KCNIP4: variants seen among roughly 807,000 people sequenced by gnomAD.
The protein encoded by KCNIP4 is potassium voltage-gated channel interacting protein 4, also known as Kv channel-interacting protein 4.
KCNIP4 carries 12 observed loss-of-function variants against 34.0 expected under a neutral mutation model. The ratio of observed to expected loss-of-function variants is 0.35; its 90% CI spans 0.23 to 0.57. The LOEUF (loss-of-function observed/expected upper bound fraction) is 0.57, where lower values mean the gene tolerates loss of function less well. Among genes scored for constraint, KCNIP4 ranks in the 20% least tolerant of loss-of-function variants. KCNIP4 has a pLI of 0.83. For missense variants in KCNIP4, 238 were observed against 311.7 expected (o/e 0.76, Z 1.78); for synonymous variants, 124 against 102.2 (o/e 1.21, Z -1.29).
At chr4:21,701,641 A>G (rs941973973) in intron 1 of KCNIP4, among the ~76,000 whole-genome samples, 4 of 152,192 alleles carry the variant, frequency 2.6e-5, no homozygotes, top group Non-Finnish European at 5.9e-5. Flanking sequence ...ATTAGAATGT[A>G]GATATCTATA....
chr4:21,609,528 C>T (rs1340617354), intron 1 of KCNIP4, among the ~76,000 whole-genome samples: 1 of 152,158 alleles, frequency 6.6e-6, no homozygotes, highest in Non-Finnish European at 1.5e-5. Context: ...ACAGGGCATA[C>T]TCATTAATTC....
chr4:20,744,997 G>A (rs902649331), intron 5 of KCNIP4, among the ~76,000 whole-genome samples: 8 of 152,086 alleles, frequency 5.3e-5, no homozygotes, highest in African/African-American at 1.9e-4. Flanking sequence ...GTTGCCATTT[G>A]ACTAAACCTA....
rs112286079 is a variant in KCNIP4, at chr4:21,467,760, G to A, written c.61+480811C>T. 6.6e-5 allele frequency among the ~76,000 whole-genome samples: 10 copies of A among 152,234 alleles called. No homozygotes were observed. In the East Asian group the frequency reaches 9.7e-4, roughly 15 times the overall value. On this transcript the variant is annotated intron_variant, in intron 1 of 8. Transcript: ENST00000382152. The stretch of plus-strand genomic sequence containing the variant: ...AAGAGCATGGTGTTTTCTGAAAGTC[G>A]GAAGGCCATTGTGACTCATTTCTGA...
At chr4:20,891,562 G>T (rs537573473) in intron 1 of KCNIP4, among the ~76,000 whole-genome samples, 1 of 152,016 alleles carries the variant, frequency 6.6e-6, no homozygotes, top group Non-Finnish European at 1.5e-5. Flanking sequence ...CCAAGATCAC[G>T]CCACGGCACT....
chr4:21,068,762 CTTAT>C (rs769097272), intron 1 of KCNIP4, among the ~76,000 whole-genome samples: 5 of 152,102 alleles, frequency 3.3e-5, no homozygotes, highest in African/African-American at 7.2e-5. Flanking sequence ...ATAAAATATT[CTTAT>C]TTATTTGTTT....
chr4:20,982,110 G>A (rs140781692), intron 1 of KCNIP4, among the ~76,000 whole-genome samples: 6 of 152,178 alleles, frequency 3.9e-5, no homozygotes, highest in Admixed American at 3.9e-4. Context: ...CTTACACTTG[G>A]GACTTTTGAT....
rs138414310 is a variant in KCNIP4 at position 21,458,308 on chromosome 4, A to T, written c.61+490263T>A. On this transcript the variant is annotated intron_variant, in intron 1 of 8. Transcript: ENST00000382152. ...GATTTCCAATTTCATCCATGTCCCTACAAAGGACAGGAACTCATCATATTT... is the reference window on the plus strand; with the variant it reads ...GATTTCCAATTTCATCCATGTCCCTTCAAAGGACAGGAACTCATCATATTT... Among the ~76,000 whole-genome samples the T allele has an allele frequency of 3.0e-4, 46 of 151,784 alleles. 1 individual carries two copies. The highest frequency in any genetic ancestry group is 3.4e-3 in the Middle Eastern group (1 of 294).
At chr4:20,864,811 C>G (rs976408509) in intron 2 of KCNIP4, among the ~76,000 whole-genome samples, 1 of 152,094 alleles carries the variant, frequency 6.6e-6, no homozygotes, top group African/African-American at 2.4e-5. Flanking sequence ...TTAGGCATAT[C>G]AGTGGCAGAA....
chr4:21,532,705 CTAGTGTAGCCACTTGCCTT>C (rs529723155), intron 1 of KCNIP4, among the ~76,000 whole-genome samples: 2 of 152,248 alleles, frequency 1.3e-5, no homozygotes, highest in Non-Finnish European at 2.9e-5. Flanking sequence ...TGCTGACAAG[CTAGTGTAGCCACTTGCCTT>C]TAGGTTTTTA....
At chr4:21,831,220 T>G (rs1296930358) in intron 1 of KCNIP4, among the ~76,000 whole-genome samples, 1 of 151,544 alleles carries the variant, frequency 6.6e-6, no homozygotes, top group Admixed American at 6.6e-5. Context: ...AGATCTCAAA[T>G]AACCTGACAT....
chr4:21,837,532 C>CAAAAAAAAAAAAAAAAAAAA (rs60449238), intron 1 of KCNIP4, among the ~76,000 whole-genome samples: 5 of 78,550 alleles, frequency 6.4e-5, no homozygotes, highest in South Asian at 6.5e-4. Flanking sequence ...AAAACGCTGT[C>CAAAAAAAAAAAAAAAAAAAA]AAAAAAAAAA....
intron 3 of KCNIP4, among the ~76,000 whole-genome samples, chr4:20,824,024 C>A (rs545916750): frequency 6.6e-6 from 1 of 152,276 alleles, no homozygotes; most frequent in East Asian, 1.9e-4. Context: ...ACACCATTAG[C>A]TTCTGTGTTT....
At chr4:21,017,375 T>A (rs1023031361) in intron 1 of KCNIP4, among the ~76,000 whole-genome samples, 3 of 152,158 alleles carry the variant, frequency 2.0e-5, no homozygotes, top group African/African-American at 7.2e-5. Context: ...TAGTGTGTGT[T>A]GTTCTCCTCA....
Position 21,121,235 on chromosome 4 carries a change from G to A in KCNIP4, c.62-238526C>T, listed in dbSNP as rs560843741. On this transcript the variant is annotated intron_variant, in intron 1 of 8. Transcript: ENST00000382152. Reference sequence around the variant, plus strand: ...CCGGCCCTTTGCCCCACTGCTGTCCGGCCCCCTTATGCAGAAAAAGGAGTG... The same window carrying A: ...CCGGCCCTTTGCCCCACTGCTGTCCAGCCCCCTTATGCAGAAAAAGGAGTG... Among the ~76,000 whole-genome samples the A allele has an allele frequency of 2.1e-3, 320 of 152,186 alleles. 2 individuals carry two copies. The highest frequency in any genetic ancestry group is 1.0e-3 in the Non-Finnish European group (69 of 68,016).
chr4:20,929,231 C>T (rs77420274), intron 1 of KCNIP4, among the ~76,000 whole-genome samples: 4,448 of 151,950 alleles, frequency 0.029, 73 homozygotes, highest in Non-Finnish European at 0.038. Context: ...TTAACATACA[C>T]GAATGAAACA....
At chr4:21,569,020 C>G (rs551128498) in intron 1 of KCNIP4, among the ~76,000 whole-genome samples, 1 of 151,974 alleles carries the variant, frequency 6.6e-6, no homozygotes, top group Admixed American at 6.6e-5. Flanking sequence ...TAAGATCACT[C>G]TCACCGCATT....
chr4:20,798,163 A>G (rs1713723481), intron 3 of KCNIP4, among the ~76,000 whole-genome samples: 1 of 152,222 alleles, frequency 6.6e-6, no homozygotes, highest in Non-Finnish European at 1.5e-5. Flanking sequence ...TTAACATACA[A>G]GACAATTTTA....
intron 1 of KCNIP4, among the ~76,000 whole-genome samples, chr4:21,694,927 A>AAT (rs1553921774): frequency 9.8e-6 from 1 of 102,148 alleles, no homozygotes; most frequent in African/African-American, 3.9e-5. Flanking sequence ...AAAAAAAAAA[A>AAT]AAATAAAAAT....
At chr4:20,810,494 A>G (rs572750306) in intron 3 of KCNIP4, among the ~76,000 whole-genome samples, 2 of 151,818 alleles carry the variant, frequency 1.3e-5, no homozygotes, top group African/African-American at 4.8e-5. Flanking sequence ...AGAGAGACCA[A>G]CTGAGACTAA....
Sources: allele counts gnomAD v4.1 joint callset (sites outside exome capture counted in the v4.1 genomes callset), GRCh38; gene constraint gnomAD v4.1.1; transcripts MANE v1.5; gene names NCBI Gene and HGNC (gene_info 2026-07-23, HGNC 2026-07-21).